STK31: variants seen among roughly 807,000 people sequenced by gnomAD.
STK31 encodes serine/threonine-protein kinase 31.
STK31 carries 89 observed loss-of-function variants against 129.7 expected under a neutral mutation model. The observed-to-expected ratio is 0.69, with a 90% confidence interval of 0.58 to 0.82. The LOEUF (loss-of-function observed/expected upper bound fraction) is 0.82. Among genes scored for constraint, STK31 ranks in the 40% least tolerant of loss-of-function variants. The pLI is 0.00. For missense variants in STK31, 1,187 were observed against 1,176.4 expected (o/e 1.01, Z -0.13); for synonymous variants, 448 against 395.3 (o/e 1.13, Z -1.58).
chr7:23,786,724 C>G, intron 19 of STK31, 91 bp downstream of exon 19: 2 of 1,546,384 alleles, frequency 1.3e-6, no homozygotes, highest in Non-Finnish European at 1.8e-6. Flanking sequence ...GGTTTTAGAG[C>G]AGCAGTTCAT....
At chr7:23,796,969 C>G (rs1369161496) in intron 22 of STK31, among the ~76,000 whole-genome samples, 1 of 151,904 alleles carries the variant, frequency 6.6e-6, no homozygotes, top group African/African-American at 2.4e-5. Flanking sequence ...CAATCCTAGT[C>G]TCTGATAAAA....
intron 22 of STK31, among the ~76,000 whole-genome samples, chr7:23,807,366 A>G (rs2128123530): frequency 6.6e-6 from 1 of 152,260 alleles, no homozygotes; most frequent in East Asian, 1.9e-4. Context: ...TTTGGAAAAG[A>G]TTGTGCTACT....
At chr7:23,790,999 A>G in intron 22 of STK31, 53 bp downstream of exon 22, 5 of 1,293,034 alleles carry the variant, frequency 3.9e-6, no homozygotes, top group Non-Finnish European at 5.0e-6. Context: ...TTCAGTATAT[A>G]AAGTGATGAT....
At chr7:23,815,399 T>C (rs557722181) in intron 23 of STK31, among the ~76,000 whole-genome samples, 187 bp downstream of exon 23, 2 of 152,290 alleles carry the variant, frequency 1.3e-5, no homozygotes, top group South Asian at 2.1e-4. Flanking sequence ...GTTACTCTGC[T>C]GGGTTGTTTG....
intron 22 of STK31, among the ~76,000 whole-genome samples, chr7:23,805,295 C>T (rs950990242): frequency 3.3e-5 from 5 of 152,098 alleles, no homozygotes; most frequent in Admixed American, 2.0e-4. Flanking sequence ...AGGCTGGTCT[C>T]GAACTCCTGA....
chr7:23,766,344 C>G (rs1444367147), intron 11 of STK31, among the ~76,000 whole-genome samples: 1 of 152,092 alleles, frequency 6.6e-6, no homozygotes, highest in Non-Finnish European at 1.5e-5. Context: ...CTCACTGCAA[C>G]CTCTGGCTCC....
rs1188997013 is a variant in STK31, at chr7:23,729,064, T to G, written c.325-27T>G. 7 of 1,566,986 alleles carry G rather than the reference T, an allele frequency of 4.5e-6. No homozygotes were observed. The East Asian group carries it at 1.6e-4, about 36-fold the overall frequency. On this transcript the variant is annotated intron_variant, in intron 5 of 23. Transcript: ENST00000355870. The stretch of plus-strand genomic sequence containing the variant: ...GGAAACATTTAATCTGGGGTCAGTA[T>G]TCGTATTTGTCTCTTATTTTTTCCA...
intron 5 of STK31, among the ~76,000 whole-genome samples, chr7:23,728,773 C>T (rs1290122192): frequency 2.6e-5 from 4 of 152,044 alleles, no homozygotes; most frequent in Non-Finnish European, 5.9e-5. Flanking sequence ...TTAGGAGAAA[C>T]AGGAGAGGGC....
At chr7:23,800,939 A>G (rs1168131592) in intron 22 of STK31, among the ~76,000 whole-genome samples, 1 of 152,014 alleles carries the variant, frequency 6.6e-6, no homozygotes, top group Non-Finnish European at 1.5e-5. Context: ...GTACATACCA[A>G]ATTTGTTTGT....
At chr7:23,758,788 G>A (rs966544559) in intron 10 of STK31, among the ~76,000 whole-genome samples, 1 of 152,080 alleles carries the variant, frequency 6.6e-6, no homozygotes, top group African/African-American at 2.4e-5. Context: ...TTTTGAGTGA[G>A]CAATACTAAC....
At position 23,772,291 on chromosome 7, in the gene STK31, TTG is replaced by T; in HGVS notation, c.1965+15_1965+16del. The T allele has an allele frequency of 6.3e-7, 1 of 1,599,348 alleles. No homozygotes were observed. Among genetic ancestry groups the T allele is most frequent in the Non-Finnish European group, 8.5e-7 (1 of 1,175,316 alleles). On this transcript the variant is annotated intron_variant, in intron 15 of 23. Coordinates refer to ENST00000355870, the MANE Select transcript of STK31 (RefSeq NM_031414.5). ...TAATTTGGAAGAGGTAAGGAAACAG[TTG>T]TTTCTTACTGATCTTTATGTGCATC... is the stretch of plus-strand genomic sequence containing the variant.
At chr7:23,810,835 T>C (rs1213955335) in intron 22 of STK31, among the ~76,000 whole-genome samples, 1 of 141,328 alleles carries the variant, frequency 7.1e-6, no homozygotes, top group East Asian at 2.0e-4. Context: ...TATAAATATA[T>C]ATTTGTATAT....
chr7:23,785,829 C>T (rs1245336950), intron 18 of STK31, among the ~76,000 whole-genome samples: 2 of 96,928 alleles, frequency 2.1e-5, no homozygotes, highest in African/African-American at 7.9e-5. Flanking sequence ...GAACATCACC[C>T]GTGGGGGCCT....
intron 22 of STK31, among the ~76,000 whole-genome samples, chr7:23,808,171 T>A (rs955815655): frequency 5.0e-4 from 65 of 129,428 alleles, no homozygotes; most frequent in East Asian, 4.6e-3. Flanking sequence ...ATATATATAT[T>A]TTTTGTAGGC....
chr7:23,825,611 T>C (rs1012166615), intron 23 of STK31, among the ~76,000 whole-genome samples: 1 of 152,246 alleles, frequency 6.6e-6, no homozygotes, highest in African/African-American at 2.4e-5. Context: ...AGTTCTGCTC[T>C]AATCTTAGTT....
intron 8 of STK31, among the ~76,000 whole-genome samples, chr7:23,745,239 G>A (rs1305946575): frequency 6.6e-6 from 1 of 152,280 alleles, no homozygotes; most frequent in East Asian, 1.9e-4. Flanking sequence ...CCAGGGCCTT[G>A]GGTGGTGTGC....
chr7:23,819,531 C>G (rs1007705996), intron 23 of STK31, among the ~76,000 whole-genome samples: 1 of 151,992 alleles, frequency 6.6e-6, no homozygotes, highest in South Asian at 2.1e-4. Flanking sequence ...TCTCCTGCCT[C>G]AGCAGCTTGA....
chr7:23,712,915 T>G (rs1486241243), intron 3 of STK31, among the ~76,000 whole-genome samples: 1 of 152,160 alleles, frequency 6.6e-6, no homozygotes, highest in African/African-American at 2.4e-5. Context: ...GGGAAAGAAA[T>G]TACGTTTCTC....
chr7:23,717,366 G>T, intron 3 of STK31, 115 bp from the exon 4 acceptor site: 1 of 584,012 alleles, frequency 1.7e-6, no homozygotes. Context: ...ATAAGAAGTT[G>T]ATTTAATTTC....
Sources: gnomAD v4.1 joint callset for allele counts (sites outside exome capture counted in the v4.1 genomes callset) on GRCh38, gnomAD v4.1.1 for gene constraint, MANE v1.5 for transcripts, NCBI Gene and HGNC (gene_info 2026-07-23, HGNC 2026-07-21) for gene names.